Variants in PPIA observed in about 807,000 individuals in gnomAD.
The protein encoded by PPIA is peptidyl-prolyl cis-trans isomerase A.
Under a neutral mutation model 15.3 loss-of-function variants are expected in PPIA, and 2 were observed. That is an observed-to-expected ratio of 0.13 (90% CI 0.05 to 0.41). The LOEUF (loss-of-function observed/expected upper bound fraction) is 0.41, where lower values mean the gene tolerates loss of function less well. Ranked by LOEUF, PPIA falls within the 10% of genes least tolerant of loss-of-function variation. The pLI, the probability that PPIA is intolerant of heterozygous loss-of-function variation, is 0.99. For synonymous variants in PPIA, 67 were observed against 73.1 expected, an observed-to-expected ratio of 0.92 and a Z score of 0.43; for missense variants, 103 against 210.3, an observed-to-expected ratio of 0.49 and a Z score of 3.16.
In PPIA at chr7:44,801,791, T is replaced by C. The variant is rs1562773186; in HGVS notation, c.*369T>C. The C allele has an allele frequency of 4.9e-6, 1 of 203,454 alleles. No homozygotes were observed. The highest frequency in any genetic ancestry group is 1.0e-5 in the Non-Finnish European group (1 of 100,336). The allele number at this position is 203,454 out of a possible 1,614,324, so 12.6% of individuals were successfully genotyped here. A position where few individuals can be genotyped will look rare whatever the true frequency, so the allele number is the denominator to read the frequency against. On this transcript the variant is annotated 3_prime_UTR_variant, in exon 5 of 5. Transcript: ENST00000468812. Reference sequence around the variant, plus strand: ...TGTTTGTTGAGTGGAATATTGAAAATGTAGGCAGCAACTGGGCATGGTGGC... The same window carrying C: ...TGTTTGTTGAGTGGAATATTGAAAACGTAGGCAGCAACTGGGCATGGTGGC...
chr7:44,802,173 GTTT>G lies in PPIA; in HGVS notation c.*767_*769del, dbSNP rs1554332602. On this transcript the variant is annotated 3_prime_UTR_variant, in exon 5 of 5. Transcript: ENST00000468812. Reference sequence around the variant, plus strand: ...GTCAAAAATTGAGACATCTGTTGCGGTTTTTTTTTTTTTTTTTTCCCCTGGAAT... The same window carrying G: ...GTCAAAAATTGAGACATCTGTTGCGGTTTTTTTTTTTTTTTCCCCTGGAAT... 2 of 137,642 alleles carry G rather than the reference GTTT, an allele frequency of 1.5e-5. No homozygotes were observed. Among genetic ancestry groups the G allele is most frequent in the East Asian group, 2.1e-4 (1 of 4,744 alleles). 8.5% of individuals were successfully genotyped at this position (137,642 alleles called of 1,614,324 possible).
chr7:44,801,132 T>G (rs1341261445), intron 4 of PPIA, among the ~76,000 whole-genome samples, 155 bp from the exon 5 acceptor site: 1 of 152,118 alleles, frequency 6.6e-6, no homozygotes, highest in Non-Finnish European at 1.5e-5. Context: ...GTGTAACTCT[T>G]TAATGGTAAT....
At chr7:44,797,022 TGGGGGA>T (rs1231334260) in intron 1 of PPIA, among the ~76,000 whole-genome samples, 1 of 151,866 alleles carries the variant, frequency 6.6e-6, no homozygotes, top group African/African-American at 2.4e-5. Flanking sequence ...GCGAGGCCGT[TGGGGGA>T]GGGGGCCCGC....
In PPIA at chr7:44,801,290, G is replaced by A; in HGVS notation, c.366G>A (p.Leu122=). ...FFICTAKTEW[L]DGKHVVFGKV... ...GTGATTGTTCTTCCTTTTCAAGGTT[G>A]GATGGCAAGCATGTGGTGTTTGGCA... Residue 122 remains leucine, a synonymous_variant, in exon 5 of 5, where the codon TTG becomes TTA. Coordinates refer to ENST00000468812, the MANE Select transcript of PPIA (RefSeq NM_021130.5). 1 of 1,612,822 alleles carries A rather than the reference G, an allele frequency of 6.2e-7. No individual in the cohort carries two copies. Among genetic ancestry groups the A allele is most frequent in the South Asian group, 1.1e-5 (1 of 91,052 alleles).
intron 4 of PPIA, 70 bp from the exon 5 acceptor site, chr7:44,801,217 C>A (rs1792550146): frequency 6.7e-7 from 1 of 1,498,118 alleles, no homozygotes; most frequent in Admixed American, 2.0e-5. Flanking sequence ...CCTTTCTCGT[C>A]TTGGTTCATG....
In PPIA at chr7:44,801,278, C is replaced by A. The variant is rs748822450; in HGVS notation, c.363-9C>A. On this transcript the variant is annotated splice_polypyrimidine_tract_variant and intron_variant, in intron 4 of 4. Transcript: ENST00000468812. Reference sequence around the variant, plus strand: ...TTGCCAGTCATAGTGATTGTTCTTCCTTTTCAAGGTTGGATGGCAAGCATG... The same window carrying A: ...TTGCCAGTCATAGTGATTGTTCTTCATTTTCAAGGTTGGATGGCAAGCATG... The A allele has an allele frequency of 4.2e-5, 67 of 1,610,672 alleles. No individual in the cohort carries two copies. The highest frequency in any genetic ancestry group is 5.5e-5 in the Non-Finnish European group (65 of 1,178,346).
At chr7:44,800,090 A>AT (rs1445520039) in intron 4 of PPIA, 16 of 572,236 alleles carry the variant, frequency 2.8e-5, no homozygotes, top group South Asian at 2.3e-4. Context: ...GGGTGGTTGA[A>AT]TTAGGTGCTA....
rs1218678065 is a variant in PPIA at position 44,796,766 on chromosome 7, C to G, written c.42C>G (p.Gly14=). The change falls in exon 1 of 5, where the codon GGC becomes GGG. Residue 14 remains glycine (G), a synonymous_variant. Coordinates refer to ENST00000468812, the MANE Select transcript of PPIA (RefSeq NM_021130.5). ...TGTTCTTCGACATTGCCGTCGACGG[C>G]GAGCCCTTGGGCCGCGTCTCCTTTG... ...PTVFFDIAVD[G]EPLGRVSFEL... is the part of the protein sequence containing the mutation. 1 of 1,609,416 alleles carries G rather than the reference C, an allele frequency of 6.2e-7. No homozygotes were observed. Among genetic ancestry groups the G allele is most frequent in the South Asian group, 1.1e-5 (1 of 90,974 alleles).
intron 1 of PPIA, 80 bp downstream of exon 1, chr7:44,796,873 CG>C: frequency 6.9e-7 from 1 of 1,451,700 alleles, no homozygotes; most frequent in Non-Finnish European, 9.3e-7. Context: ...CCCAAAGGCC[CG>C]GGCGCGGGGC....
In PPIA at chr7:44,796,693, C is replaced by T. The variant is rs753009869; in HGVS notation, c.-32C>T. 1.2e-4 allele frequency: 195 copies of T among 1,605,550 alleles called. No individual in the cohort carries two copies. The highest frequency in any genetic ancestry group is 1.6e-4 in the Non-Finnish European group (186 of 1,175,250). ...CCAGGCTCGTGCCGTTTTGCAGACG[C>T]CACCGCCGAGGAAAACCGTGTACTA... On this transcript the variant is annotated 5_prime_UTR_variant, in exon 1 of 5. Transcript: ENST00000468812.
chr7:44,797,541 C>T (rs904801052), intron 1 of PPIA, among the ~76,000 whole-genome samples: 2 of 151,998 alleles, frequency 1.3e-5, no homozygotes, highest in Non-Finnish European at 2.9e-5. Context: ...GCGGGGGAGG[C>T]GCTCTTGAGC....
At chr7:44,799,926 T>TG (rs765471634) in intron 4 of PPIA, 52 bp downstream of exon 4, 5 of 1,569,066 alleles carry the variant, frequency 3.2e-6, no homozygotes, top group Admixed American at 1.7e-5. Flanking sequence ...AAAGTTGCCC[T>TG]GGGGGGAACG....
intron 1 of PPIA, among the ~76,000 whole-genome samples, chr7:44,797,426 G>T (rs1426709027): frequency 6.6e-6 from 1 of 152,176 alleles, no homozygotes; most frequent in Non-Finnish European, 1.5e-5. Context: ...TTATACATGT[G>T]CCCCAAACGT....
At chr7:44,800,006 G>T in intron 4 of PPIA, 132 bp downstream of exon 4, 2 of 943,532 alleles carry the variant, frequency 2.1e-6, no homozygotes, top group Non-Finnish European at 3.2e-6. Flanking sequence ...TAGAAGAAGA[G>T]CATACATAAA....
intron 3 of PPIA, 94 bp downstream of exon 3, chr7:44,799,574 C>A: frequency 6.4e-7 from 1 of 1,568,858 alleles, no homozygotes; most frequent in Non-Finnish European, 8.7e-7. Context: ...TGAACTGTTA[C>A]TCTACCATTT....
chr7:44,800,889 C>T (rs551768607), intron 4 of PPIA, among the ~76,000 whole-genome samples: 2 of 152,248 alleles, frequency 1.3e-5, no homozygotes, highest in East Asian at 3.9e-4. Flanking sequence ...GCGATCTCGG[C>T]TCACTGCAAG....
chr7:44,799,623 T>C (rs1792485902), intron 3 of PPIA, 79 bp from the exon 4 acceptor site: 1 of 1,596,072 alleles, frequency 6.3e-7, no homozygotes, highest in Non-Finnish European at 8.6e-7. Context: ...TGAACTTGGG[T>C]TTAAAGTTTG....
At position 44,802,863 on chromosome 7, in the gene PPIA, C is replaced by T. The variant is rs1353662526; in HGVS notation, c.*1441C>T. ...CCCCTTCTCTGCCCACCTTAACAGA[C>T]CTCTAGGGTTCTTAACCCAGCAATC... On this transcript the variant is annotated 3_prime_UTR_variant, in exon 5 of 5. Coordinates refer to ENST00000468812, the MANE Select transcript of PPIA (RefSeq NM_021130.5). 2 of 152,184 alleles carry T rather than the reference C, an allele frequency of 1.3e-5. No homozygotes were observed. Among genetic ancestry groups the T allele is most frequent in the African/African-American group, 2.4e-5 (1 of 41,452 alleles). The allele number at this position is 152,184 out of a possible 1,614,324, so 9.4% of individuals were successfully genotyped here.
At chr7:44,799,935 C>A in intron 4 of PPIA, 61 bp downstream of exon 4, 1 of 1,525,148 alleles carries the variant, frequency 6.6e-7, no homozygotes. Flanking sequence ...CTGGGGGGAA[C>A]GGAACAAACA....
Sources: allele counts gnomAD v4.1 joint callset (sites outside exome capture counted in the v4.1 genomes callset), GRCh38; gene constraint gnomAD v4.1.1; transcripts MANE v1.5; gene names NCBI Gene and HGNC (gene_info 2026-07-23, HGNC 2026-07-21).